LIPC: variants seen among roughly 807,000 people sequenced by gnomAD.
The protein encoded by LIPC is hepatic triacylglycerol lipase.
Under a neutral mutation model 50.7 loss-of-function variants are expected in LIPC, and 44 were observed. The ratio of observed to expected loss-of-function variants is 0.87; its 90% CI spans 0.68 to 1.11. The LOEUF is 1.11. LIPC is among the 50% of genes most tolerant of loss of function. LIPC has a pLI of 0.00. For synonymous variants in LIPC, 271 were observed against 256.4 expected (o/e 1.06, Z -0.54); for missense variants, 697 against 648.2 (o/e 1.08, Z -0.82).
At chr15:58,480,289 C>G (rs1402123532) in intron 1 of LIPC, among the ~76,000 whole-genome samples, 2 of 152,078 alleles carry the variant, frequency 1.3e-5, no homozygotes, top group Admixed American at 6.6e-5. Context: ...TTCATTCATT[C>G]ATTTTATGTA....
intron 1 of LIPC, among the ~76,000 whole-genome samples, chr15:58,477,815 A>C (rs1050685893): frequency 6.6e-6 from 1 of 152,122 alleles, no homozygotes; most frequent in East Asian, 1.9e-4. Context: ...AGGCCTCAAT[A>C]GATGGATTTT....
intron 1 of LIPC, among the ~76,000 whole-genome samples, chr15:58,515,533 C>CACATATATATATATATATATATATATAT (rs147594972): frequency 8.1e-4 from 115 of 141,628 alleles, no homozygotes; most frequent in African/African-American, 3.0e-3. Context: ...TATACACACA[C>CACATATATATATATATATATATATATAT]ATATATATAT....
intron 1 of LIPC, among the ~76,000 whole-genome samples, chr15:58,515,178 A>G (rs1892447668): frequency 6.6e-6 from 1 of 152,188 alleles, no homozygotes; most frequent in South Asian, 2.1e-4. Flanking sequence ...AGAAACAAGG[A>G]TAATCTCCCC....
At chr15:58,518,746 G>A (rs1168815298) in intron 1 of LIPC, among the ~76,000 whole-genome samples, 2 of 152,140 alleles carry the variant, frequency 1.3e-5, no homozygotes, top group South Asian at 2.1e-4. Context: ...CTACTAACTC[G>A]AAGTTCAAGA....
At chr15:58,434,466 G>A (rs762762299) in intron 1 of LIPC, among the ~76,000 whole-genome samples, 2 of 152,152 alleles carry the variant, frequency 1.3e-5, no homozygotes, top group African/African-American at 2.4e-5. Flanking sequence ...GTGCCTTGCC[G>A]GCGGTCGCAT....
At chr15:58,471,689 A>G (rs1890811405) in intron 1 of LIPC, among the ~76,000 whole-genome samples, 2 of 152,216 alleles carry the variant, frequency 1.3e-5, no homozygotes, top group African/African-American at 4.8e-5. Flanking sequence ...CAGTGCTCCA[A>G]AACTCTGAAT....
chr15:58,508,637 A>C (rs995876763), intron 1 of LIPC, among the ~76,000 whole-genome samples: 1 of 152,186 alleles, frequency 6.6e-6, no homozygotes, highest in Non-Finnish European at 1.5e-5. Context: ...TGAAACAAAA[A>C]TGTATTCATC....
Position 58,536,707 on chromosome 15 carries a change from G to A in LIPC, c.89-1626G>A, listed in dbSNP as rs1177376676. On this transcript the variant is annotated intron_variant, in intron 1 of 8. Coordinates refer to ENST00000299022, the MANE Select transcript of LIPC (RefSeq NM_000236.3). ...TATAAGCTCAGAAAAGCCAAAGAGA[G>A]CGGCAGAAATTTTCTTCATTATCTC... 2.0e-5 allele frequency among the ~76,000 whole-genome samples: 3 copies of A among 152,188 alleles called. No homozygotes were observed. The East Asian group carries it at 5.8e-4, about 29-fold the overall frequency.
At chr15:58,470,764 T>C (rs747728400) in intron 1 of LIPC, among the ~76,000 whole-genome samples, 4 of 152,116 alleles carry the variant, frequency 2.6e-5, no homozygotes, top group Admixed American at 6.6e-5. Flanking sequence ...CACACACAGC[T>C]AATTTTTATA....
intron 6 of LIPC, among the ~76,000 whole-genome samples, chr15:58,554,416 T>C: frequency 6.6e-6 from 1 of 152,222 alleles, no homozygotes; most frequent in Non-Finnish European, 1.5e-5. Flanking sequence ...CCAAATCATT[T>C]TTTAACGTCC....
At chr15:58,474,532 A>AG (rs1338620128) in intron 1 of LIPC, among the ~76,000 whole-genome samples, 18 of 146,504 alleles carry the variant, frequency 1.2e-4, no homozygotes, top group African/African-American at 3.8e-4. Context: ...AAAAAAAAAA[A>AG]GAGGCTTTTC....
Position 58,568,503 on chromosome 15 carries a change from T to A in LIPC, c.1389-213T>A, listed in dbSNP as rs1365771. Among the ~76,000 whole-genome samples, 147,263 of 152,324 alleles carry A rather than the reference T, an allele frequency of 0.97. 71,367 individuals carry two copies. The highest frequency in any genetic ancestry group is 1 in the East Asian group (5,192 of 5,192). On this transcript the variant is annotated intron_variant, in intron 8 of 8. Transcript: ENST00000299022. ...TTACAGAACTGAAATCACCCCAGTGTAGAACTCCAGGAAGTCTTACACTGA... is the reference window on the plus strand; with the variant it reads ...TTACAGAACTGAAATCACCCCAGTGAAGAACTCCAGGAAGTCTTACACTGA...
chr15:58,538,275 G>A (rs1163239057), intron 1 of LIPC, 58 bp from the exon 2 acceptor site: 8 of 1,519,400 alleles, frequency 5.3e-6, no homozygotes, highest in Non-Finnish European at 6.4e-6. Flanking sequence ...TGAGAAGACG[G>A]AGGGCTTCAG....
In LIPC at chr15:58,481,298, T is replaced by TA. The variant is rs548295263; in HGVS notation, c.88+49185dup. On this transcript the variant is annotated intron_variant, in intron 1 of 8. Transcript: ENST00000299022. ...AAATGCACATACAATTTTAAAAGATTAAAAAAACCATAAATGTCCTTTGAC... is the reference window on the plus strand; with the variant it reads ...AAATGCACATACAATTTTAAAAGATTAAAAAAAACCATAAATGTCCTTTGAC... Among the ~76,000 whole-genome samples the TA allele has an allele frequency of 1.1e-3, 165 of 152,266 alleles. 4 individuals are homozygous for TA. The South Asian group carries it at 0.033, about 30-fold the overall frequency.
chr15:58,505,506 G>A (rs566370678), intron 1 of LIPC, among the ~76,000 whole-genome samples: 30 of 152,290 alleles, frequency 2.0e-4, no homozygotes, highest in Non-Finnish European at 4.4e-4. Flanking sequence ...CTGCCAGCTT[G>A]GTAGGGATGT....
intron 1 of LIPC, among the ~76,000 whole-genome samples, chr15:58,463,784 C>T (rs1480979674): frequency 1.3e-5 from 2 of 152,124 alleles, no homozygotes; most frequent in African/African-American, 2.4e-5. Flanking sequence ...AACCTCTCTG[C>T]TCATCAAAAA....
At chr15:58,480,015 T>C (rs1891132629) in intron 1 of LIPC, among the ~76,000 whole-genome samples, 1 of 152,214 alleles carries the variant, frequency 6.6e-6, no homozygotes, top group African/African-American at 2.4e-5. Flanking sequence ...AGGCACACAG[T>C]ACATGTTGCT....
At chr15:58,558,961 A>G (rs1316881517) in intron 6 of LIPC, among the ~76,000 whole-genome samples, 1 of 152,206 alleles carries the variant, frequency 6.6e-6, no homozygotes, top group Non-Finnish European at 1.5e-5. Context: ...CAAATTATAT[A>G]CAAAATCCAA....
chr15:58,501,859 C>A (rs1371880383), intron 1 of LIPC, among the ~76,000 whole-genome samples: 10 of 152,094 alleles, frequency 6.6e-5, no homozygotes, highest in Non-Finnish European at 1.3e-4. Flanking sequence ...GCCTCTCCAC[C>A]CTTCAGGAAT....
Sources: allele counts gnomAD v4.1 joint callset (sites outside exome capture counted in the v4.1 genomes callset), GRCh38; gene constraint gnomAD v4.1.1; transcripts MANE v1.5; gene names NCBI Gene and HGNC (gene_info 2026-07-23, HGNC 2026-07-21).